Variants in STK39 observed in about 807,000 individuals in gnomAD.
STK39 encodes the protein STE20/SPS1-related proline-alanine-rich protein kinase.
STK39 carries 20 observed loss-of-function variants against 77.8 expected under a neutral mutation model. The observed-to-expected ratio is 0.26, with a 90% CI of 0.18 to 0.37. STK39 has a LOEUF of 0.37. Ranked by LOEUF, STK39 falls within the 10% of genes least tolerant of loss-of-function variation. STK39 has a pLI of 1.00. For missense variants in STK39, 479 were observed against 656.5 expected (o/e 0.73, Z 2.95); for synonymous variants, 246 against 234.1 (o/e 1.05, Z -0.47).
intron 12 of STK39, among the ~76,000 whole-genome samples, chr2:168,072,094 A>T (rs147390970): frequency 6.6e-6 from 1 of 152,208 alleles, no homozygotes; most frequent in African/African-American, 2.4e-5. Flanking sequence ...AAAAAGAGGC[A>T]GATCTATAGT....
chr2:168,146,139 T>C (rs1688134082), intron 5 of STK39, among the ~76,000 whole-genome samples: 1 of 152,252 alleles, frequency 6.6e-6, no homozygotes. Flanking sequence ...AATCTTGGCA[T>C]GTCTGCCTCT....
At chr2:168,002,359 A>C (rs900479359) in intron 16 of STK39, among the ~76,000 whole-genome samples, 3 of 152,344 alleles carry the variant, frequency 2.0e-5, no homozygotes, top group Non-Finnish European at 4.4e-5. Context: ...TGGAAATAAC[A>C]TTTGCCCACA....
At chr2:168,080,652 A>G (rs1686205175) in intron 10 of STK39, among the ~76,000 whole-genome samples, 1 of 152,006 alleles carries the variant, frequency 6.6e-6, no homozygotes, top group South Asian at 2.1e-4. Flanking sequence ...AATGTTAATC[A>G]CCAAGACAAT....
intron 1 of STK39, among the ~76,000 whole-genome samples, chr2:168,192,148 T>C (rs780031488): frequency 7.9e-5 from 12 of 152,162 alleles, no homozygotes; most frequent in Non-Finnish European, 1.8e-4. Context: ...AGTAACAGGA[T>C]GAAGCGTGTC....
chr2:168,162,250 C>A (rs1688590409), intron 4 of STK39, among the ~76,000 whole-genome samples: 2 of 135,666 alleles, frequency 1.5e-5, no homozygotes, highest in African/African-American at 5.5e-5. Context: ...CGTGCCACTG[C>A]ACTCCAGCCT....
intron 10 of STK39, among the ~76,000 whole-genome samples, chr2:168,101,957 A>C (rs1040158655): frequency 1.3e-5 from 2 of 152,024 alleles, no homozygotes; most frequent in Non-Finnish European, 2.9e-5. Context: ...CCTACCCACC[A>C]GCCCTAGGCA....
chr2:167,975,759 C>T (rs1683260832), intron 16 of STK39, among the ~76,000 whole-genome samples: 1 of 152,176 alleles, frequency 6.6e-6, no homozygotes, highest in Non-Finnish European at 1.5e-5. Flanking sequence ...GTTTGCAGTG[C>T]CATCTGCTGG....
chr2:167,964,855 A>G, intron 16 of STK39, 129 bp from the exon 17 acceptor site: 2 of 737,212 alleles, frequency 2.7e-6, no homozygotes, highest in Admixed American at 2.7e-5. Context: ...TAAACATTGC[A>G]AAGTCCATAT....
intron 10 of STK39, among the ~76,000 whole-genome samples, chr2:168,127,674 A>G (rs1288849488): frequency 6.6e-6 from 1 of 152,078 alleles, no homozygotes; most frequent in Non-Finnish European, 1.5e-5. Context: ...TTAAATTTCT[A>G]TTTTTTCATT....
chr2:168,238,260 G>C (rs1360195083), intron 1 of STK39, among the ~76,000 whole-genome samples: 1 of 152,094 alleles, frequency 6.6e-6, no homozygotes, highest in Non-Finnish European at 1.5e-5. Context: ...TCATTCACAG[G>C]GCAGAAAGTC....
intron 16 of STK39, among the ~76,000 whole-genome samples, chr2:167,965,632 G>C (rs1481554905): frequency 6.6e-6 from 1 of 152,196 alleles, no homozygotes; most frequent in Non-Finnish European, 1.5e-5. Context: ...AAGGGCTATT[G>C]CTTAGGGAAG....
chr2:168,049,967 G>T (rs1244357764), intron 14 of STK39, among the ~76,000 whole-genome samples: 1 of 152,204 alleles, frequency 6.6e-6, no homozygotes, highest in East Asian at 1.9e-4. Flanking sequence ...CTACTTGAAA[G>T]ATTTCATAGG....
chr2:168,206,807 C>T (rs1689754478), intron 1 of STK39, among the ~76,000 whole-genome samples: 2 of 152,100 alleles, frequency 1.3e-5, no homozygotes, highest in Admixed American at 6.5e-5. Context: ...GGTATTTTTA[C>T]GGGTCCGGTA....
intron 10 of STK39, among the ~76,000 whole-genome samples, chr2:168,121,580 C>A (rs1687406908): frequency 6.6e-6 from 1 of 152,166 alleles, no homozygotes; most frequent in Non-Finnish European, 1.5e-5. Flanking sequence ...TTTCTGTAGG[C>A]ATCCATAGGC....
intron 1 of STK39, among the ~76,000 whole-genome samples, chr2:168,196,314 A>G (rs1002320048): frequency 6.6e-6 from 1 of 152,186 alleles, no homozygotes; most frequent in African/African-American, 2.4e-5. Context: ...TCAGAGCAAA[A>G]AGTATCTGCC....
intron 1 of STK39, among the ~76,000 whole-genome samples, chr2:168,183,508 G>A (rs544295688): frequency 1.3e-5 from 2 of 152,246 alleles, no homozygotes; most frequent in South Asian, 2.1e-4. Context: ...GCCAGACTCC[G>A]AGATGTGTGC....
chr2:167,996,055 G>A (rs779425357), intron 16 of STK39, among the ~76,000 whole-genome samples: 7 of 149,688 alleles, frequency 4.7e-5, no homozygotes, highest in Non-Finnish European at 8.8e-5. Context: ...AGCTGGTCCT[G>A]TTAATATGTA....
chr2:168,156,584 C>T (rs1688435203), intron 5 of STK39, among the ~76,000 whole-genome samples: 1 of 152,164 alleles, frequency 6.6e-6, no homozygotes, highest in South Asian at 2.1e-4. Flanking sequence ...AGGACACCAT[C>T]CCAATTTCAA....
intron 10 of STK39, among the ~76,000 whole-genome samples, chr2:168,121,204 C>T (rs942180187): frequency 6.6e-6 from 1 of 152,220 alleles, no homozygotes; most frequent in Non-Finnish European, 1.5e-5. Context: ...CTGGAGTTCA[C>T]TCCTGCTTAT....
Sources: allele counts gnomAD v4.1 joint callset (sites outside exome capture counted in the v4.1 genomes callset), GRCh38; gene constraint gnomAD v4.1.1; transcripts MANE v1.5; gene names NCBI Gene and HGNC (gene_info 2026-07-23, HGNC 2026-07-21).